Variants in FNBP1 observed in about 807,000 individuals in gnomAD.
FNBP1 encodes the protein formin-binding protein 1.
Under a neutral mutation model 90.6 loss-of-function variants are expected in FNBP1, and 26 were observed. That is an observed-to-expected ratio of 0.29 (90% CI 0.21 to 0.40). The LOEUF is 0.40. FNBP1 is among the 10% of genes least tolerant of loss of function. The pLI, the probability that FNBP1 is intolerant of heterozygous loss-of-function variation, is 1.00. For missense variants in FNBP1, 635 were observed against 768.0 expected, an observed-to-expected ratio of 0.83 and a Z score of 2.05; for synonymous variants, 260 against 265.2, an observed-to-expected ratio of 0.98 and a Z score of 0.19.
intron 4 of FNBP1, among the ~76,000 whole-genome samples, chr9:129,971,789 G>A (rs2049490483): frequency 6.6e-6 from 1 of 152,236 alleles, no homozygotes; most frequent in African/African-American, 2.4e-5. Context: ...TCTTTGCACA[G>A]AGAGCCATTT....
intron 2 of FNBP1, among the ~76,000 whole-genome samples, chr9:129,981,092 T>C (rs2051176138): frequency 6.6e-6 from 1 of 151,426 alleles, no homozygotes; most frequent in Non-Finnish European, 1.5e-5. Flanking sequence ...GCATGTTTTC[T>C]TGTTTGTTTG....
Position 129,890,415 on chromosome 9 carries a change from G to A in FNBP1, c.*124C>T, listed in dbSNP as rs2034990768. 5 of 760,310 alleles carry A rather than the reference G, an allele frequency of 6.6e-6. No individual in the cohort carries two copies. The highest frequency in any genetic ancestry group is 3.6e-5 in the African/African-American group (2 of 55,872). The allele number at this position is 760,310 out of a possible 1,614,324, so 47.1% of individuals were successfully genotyped here. A position where few individuals can be genotyped will look rare whatever the true frequency, so the allele number is the denominator to read the frequency against. On this transcript the variant is annotated 3_prime_UTR_variant, in exon 17 of 17. Coordinates refer to ENST00000446176, the MANE Select transcript of FNBP1 (RefSeq NM_015033.3). This position sits in a 1 kb window ranked among gnomAD's most constrained non-coding sequence, Gnocchi z 5.8. The stretch of plus-strand genomic sequence containing the variant: ...AGCATGCTGGAGAGAGAGAGAGACC[G>A]CCCCGCAGGGATGGGGCTGCGGAGG...
At chr9:129,895,809 T>G in intron 16 of FNBP1, 29 bp downstream of exon 16, 1 of 1,510,632 alleles carries the variant, frequency 6.6e-7, no homozygotes, top group Non-Finnish European at 8.8e-7. Flanking sequence ...GTTTTTTTTT[T>G]TTATGGTATT....
chr9:129,937,889 G>A (rs1402484253), intron 6 of FNBP1, among the ~76,000 whole-genome samples: 4 of 152,106 alleles, frequency 2.6e-5, no homozygotes, highest in African/African-American at 7.2e-5. Flanking sequence ...AAGGCTGGCC[G>A]CGGTGGCTCA....
In FNBP1 at chr9:129,887,941, AATG is replaced by A. The variant is rs1461343075; in HGVS notation, c.*2595_*2597del. 4.3e-6 allele frequency: 1 copy of A among 232,280 alleles called. No individual in the cohort carries two copies. The highest frequency in any genetic ancestry group is 2.2e-5 in the African/African-American group (1 of 45,308). The allele number at this position is 232,280 out of a possible 1,614,324, so 14.4% of individuals were successfully genotyped here. On this transcript the variant is annotated 3_prime_UTR_variant, in exon 17 of 17. Coordinates refer to ENST00000446176, the MANE Select transcript of FNBP1 (RefSeq NM_015033.3). ...ATTTCACAGTAGGATTCCCAGAGTA[AATG>A]ATGATACATAGGACAACTGACCTCC...
rs989458573 is a variant in FNBP1, at chr9:129,888,991, G to C, written c.*1548C>G. 2 of 194,222 alleles carry C rather than the reference G, an allele frequency of 1.0e-5. No homozygotes were observed. The highest frequency in any genetic ancestry group is 4.7e-5 in the African/African-American group (2 of 42,496). 12.0% of individuals were successfully genotyped at this position (194,222 alleles called of 1,614,324 possible). A position where few individuals can be genotyped will look rare whatever the true frequency, so the allele number is the denominator to read the frequency against. On this transcript the variant is annotated 3_prime_UTR_variant, in exon 17 of 17. Transcript: ENST00000446176. Reference sequence around the variant, plus strand: ...GACGTCATCCCCAGGCTTCCGTGGCGCTCTCGGTCACAGGAGCTCTAGGCC... The same window carrying C: ...GACGTCATCCCCAGGCTTCCGTGGCCCTCTCGGTCACAGGAGCTCTAGGCC...
At chr9:129,926,752 T>TG (rs11370213) in intron 8 of FNBP1, among the ~76,000 whole-genome samples, 130,606 of 151,662 alleles carry the variant, frequency 0.86, 56,361 homozygotes, top group East Asian at 0.9. Context: ...CTGGGCGTGG[T>TG]GCGGGCGCCT....
chr9:130,010,468 G>A (rs901867420), intron 1 of FNBP1, among the ~76,000 whole-genome samples: 2 of 152,148 alleles, frequency 1.3e-5, no homozygotes, highest in African/African-American at 2.4e-5. Context: ...ATGTTGGAAA[G>A]GCTGGTCTCC....
At chr9:129,921,579 A>G (rs1464566569) in intron 10 of FNBP1, among the ~76,000 whole-genome samples, 1 of 151,888 alleles carries the variant, frequency 6.6e-6, no homozygotes, top group African/African-American at 2.4e-5. Context: ...TGCCCGGCTA[A>G]TTTTTGTATT....
intron 8 of FNBP1, among the ~76,000 whole-genome samples, chr9:129,926,662 G>A (rs1265706679): frequency 6.6e-6 from 1 of 152,012 alleles, no homozygotes; most frequent in Non-Finnish European, 1.5e-5. Context: ...TGAGGCGGGC[G>A]GATTACCTGA....
intron 1 of FNBP1, among the ~76,000 whole-genome samples, chr9:130,010,282 C>T (rs1257287690): frequency 6.6e-6 from 1 of 152,150 alleles, no homozygotes; most frequent in East Asian, 1.9e-4. Flanking sequence ...TTTGGCAGAG[C>T]ACCTGTCTTA....
At chr9:130,040,681 A>G (rs1215884167) in intron 1 of FNBP1, among the ~76,000 whole-genome samples, 1 of 152,024 alleles carries the variant, frequency 6.6e-6, no homozygotes, top group Non-Finnish European at 1.5e-5. Context: ...ATACACTTGC[A>G]TATATAGAAC....
chr9:129,983,637 C>A (rs535627502), intron 2 of FNBP1, among the ~76,000 whole-genome samples: 1 of 152,146 alleles, frequency 6.6e-6, no homozygotes, highest in South Asian at 2.1e-4. Flanking sequence ...ATGGTGAAAC[C>A]CCATCTCTAC....
the FNBP1 span, among the ~76,000 whole-genome samples, chr9:130,052,509 T>C: frequency 6.6e-6 from 1 of 152,120 alleles, no homozygotes; most frequent in Admixed American, 6.6e-5. Context: ...CTTGGCTTAC[T>C]GAAACCTCTG....
chr9:129,958,175 T>C (rs1706220642), intron 5 of FNBP1, among the ~76,000 whole-genome samples: 1 of 152,222 alleles, frequency 6.6e-6, no homozygotes, highest in Admixed American at 6.5e-5. Flanking sequence ...CTCACGCCTG[T>C]AATCCCAGAA....
intron 6 of FNBP1, chr9:129,936,296 C>T (rs2043450561): frequency 6.6e-6 from 1 of 152,148 alleles, no homozygotes; most frequent in South Asian, 2.1e-4. Flanking sequence ...GGGGCTCAAT[C>T]TAGATTTTAT....
intron 4 of FNBP1, among the ~76,000 whole-genome samples, chr9:129,965,683 A>G: frequency 1.0e-4 from 1 of 9,946 alleles, no homozygotes; most frequent in Admixed American, 2.5e-3. Flanking sequence ...TCTCTCTTAA[A>G]ACACACACAC....
intron 16 of FNBP1, among the ~76,000 whole-genome samples, chr9:129,894,973 G>C (rs148162560): frequency 0.018 from 2,692 of 152,200 alleles, 32 homozygotes; most frequent in Middle Eastern, 0.024. Flanking sequence ...CAGGAGAATC[G>C]CTTGAACCTG....
chr9:129,971,336 CT>C (rs1467568173), intron 4 of FNBP1, among the ~76,000 whole-genome samples: 1 of 152,090 alleles, frequency 6.6e-6, no homozygotes, highest in Non-Finnish European at 1.5e-5. Flanking sequence ...TAAAAAGCAT[CT>C]TTTCTCCTAG....
Sources: gnomAD v4.1 joint callset for allele counts (sites outside exome capture counted in the v4.1 genomes callset) on GRCh38, gnomAD v4.1.1 for gene constraint, Gnocchi (gnomAD v3.1) non-coding constraint, MANE v1.5 for transcripts, NCBI Gene and HGNC (gene_info 2026-07-23, HGNC 2026-07-21) for gene names.